LHFPL6: variants seen among roughly 807,000 people sequenced by gnomAD.
LHFPL6 encodes the protein LHFPL tetraspan subfamily member 6.
Under a neutral mutation model 20.6 loss-of-function variants are expected in LHFPL6, and 9 were observed. The observed-to-expected ratio is 0.44, with a 90% CI of 0.26 to 0.76. LHFPL6 has a LOEUF of 0.76. LHFPL6 is among the 30% of genes least tolerant of loss of function. The probability of loss-of-function intolerance (pLI) is 0.20; values close to 1 mark genes in which losing one functional copy is unlikely to be tolerated. For missense variants in LHFPL6, 218 were observed against 253.5 expected, an observed-to-expected ratio of 0.86 and a Z score of 0.95; for synonymous variants, 105 against 98.7, an observed-to-expected ratio of 1.06 and a Z score of -0.38.
chr13:39,551,953 G>A (rs60658342), intron 2 of LHFPL6, among the ~76,000 whole-genome samples: 2,659 of 152,132 alleles, frequency 0.017, 75 homozygotes, highest in African/African-American at 0.061. Flanking sequence ...TAAAAGTTTC[G>A]ACTGAATAAT....
At chr13:39,358,980 G>A (rs1869803340) in intron 3 of LHFPL6, among the ~76,000 whole-genome samples, 1 of 152,122 alleles carries the variant, frequency 6.6e-6, no homozygotes, top group Admixed American at 6.5e-5. Context: ...AGAACAGCCT[G>A]GCCAACATGG....
chr13:39,492,595 T>C (rs1436708486), intron 2 of LHFPL6, among the ~76,000 whole-genome samples: 2 of 152,198 alleles, frequency 1.3e-5, no homozygotes, highest in Non-Finnish European at 1.5e-5. Flanking sequence ...GTGTGTATAA[T>C]ATACATATTT....
At chr13:39,530,747 C>A (rs1410967035) in intron 2 of LHFPL6, among the ~76,000 whole-genome samples, 1 of 151,476 alleles carries the variant, frequency 6.6e-6, no homozygotes, top group Non-Finnish European at 1.5e-5. Context: ...TTGCTTATTT[C>A]ACCTGTGATA....
At chr13:39,499,053 T>C (rs1045414982) in intron 2 of LHFPL6, among the ~76,000 whole-genome samples, 8 of 152,030 alleles carry the variant, frequency 5.3e-5, no homozygotes, top group African/African-American at 1.7e-4. Flanking sequence ...TGTGGAGACG[T>C]GGTTTTGCCA....
intron 2 of LHFPL6, among the ~76,000 whole-genome samples, chr13:39,469,779 T>G (rs1010351923): frequency 2.6e-5 from 4 of 152,288 alleles, no homozygotes; most frequent in Middle Eastern, 6.8e-3. Flanking sequence ...CTCAAAGCAT[T>G]TGCTGAACAT....
chr13:39,400,000 G>A lies in LHFPL6; in HGVS notation c.386-21474C>T, dbSNP rs112197338. On this transcript the variant is annotated intron_variant, in intron 2 of 3. Transcript: ENST00000379589. ...CCCAGCTACTCAGGAGGCTGACACA[G>A]GAGAATTGCTCGAACCCAGGAGGTG... Among the ~76,000 whole-genome samples the A allele has an allele frequency of 1.0e-2, 1,518 of 152,266 alleles. 34 individuals carry two copies. Among genetic ancestry groups the A allele is most frequent in the African/African-American group, 0.035 (1,451 of 41,548 alleles).
intron 2 of LHFPL6, among the ~76,000 whole-genome samples, chr13:39,548,187 G>C (rs1038019414): frequency 1.6e-5 from 1 of 61,236 alleles, no homozygotes; most frequent in African/African-American, 1.1e-4. Flanking sequence ...TATTTCCCAG[G>C]TAATACCTGG....
At chr13:39,472,903 G>A (rs553537923) in intron 2 of LHFPL6, among the ~76,000 whole-genome samples, 39 of 152,302 alleles carry the variant, frequency 2.6e-4, no homozygotes, top group Admixed American at 4.6e-4. Context: ...GAGCCACCGT[G>A]CCCGGCCCCC....
At position 39,567,527 on chromosome 13, in the gene LHFPL6, T is replaced by C. The variant is rs144148541; in HGVS notation, c.385+33305A>G. On this transcript the variant is annotated intron_variant, in intron 2 of 3. Coordinates refer to ENST00000379589, the MANE Select transcript of LHFPL6 (RefSeq NM_005780.3). ...CATAGAGGTCCAAATGGTCAACTTT[T>C]ACGCTTTGTGGGCCACATAAGGTTT... Among the ~76,000 whole-genome samples the C allele has an allele frequency of 2.9e-3, 444 of 152,374 alleles. 2 individuals are homozygous for C. The highest frequency in any genetic ancestry group is 6.8e-3 in the Middle Eastern group (2 of 294).
intron 2 of LHFPL6, among the ~76,000 whole-genome samples, chr13:39,456,451 C>T (rs1872572008): frequency 6.6e-6 from 1 of 152,104 alleles, no homozygotes; most frequent in African/African-American, 2.4e-5. Flanking sequence ...GGAAATTAAA[C>T]CAAAAACAAT....
Position 39,521,878 on chromosome 13 carries a change from T to C in LHFPL6, c.385+78954A>G, listed in dbSNP as rs143170600. On this transcript the variant is annotated intron_variant, in intron 2 of 3. Coordinates refer to ENST00000379589, the MANE Select transcript of LHFPL6 (RefSeq NM_005780.3). ...CAGAAGGGAGCAAAAAGAGAGCTTGTGACCAGCCAAAAAGGAAAACCAATT... is the reference window on the plus strand; with the variant it reads ...CAGAAGGGAGCAAAAAGAGAGCTTGCGACCAGCCAAAAAGGAAAACCAATT... Among the ~76,000 whole-genome samples the C allele has an allele frequency of 2.8e-4, 42 of 152,296 alleles. No homozygotes were observed. The East Asian group carries it at 6.6e-3, about 24-fold the overall frequency.
chr13:39,556,224 C>T (rs954527008), intron 2 of LHFPL6, among the ~76,000 whole-genome samples: 5 of 152,110 alleles, frequency 3.3e-5, no homozygotes, highest in African/African-American at 1.2e-4. Flanking sequence ...AGAAAATTGG[C>T]ACTAAGGAGT....
intron 2 of LHFPL6, among the ~76,000 whole-genome samples, chr13:39,553,818 T>A (rs1038520872): frequency 6.6e-6 from 1 of 152,286 alleles, no homozygotes; most frequent in South Asian, 2.1e-4. Context: ...AAACAGATAG[T>A]GGAACATCAT....
At position 39,343,742 on chromosome 13, in the gene LHFPL6, T is replaced by TC. The variant is rs1230930919; in HGVS notation, c.*193dup. Reference sequence around the variant, plus strand: ...CATTTTTCTCCATCATTCTATACTCTCCTTTTTTTTCCCCCACAAATCTCC... The same window carrying TC: ...CATTTTTCTCCATCATTCTATACTCTCCCTTTTTTTTCCCCCACAAATCTCC... On this transcript the variant is annotated 3_prime_UTR_variant, in exon 4 of 4. Coordinates refer to ENST00000379589, the MANE Select transcript of LHFPL6 (RefSeq NM_005780.3). The TC allele has an allele frequency of 1.8e-6, 1 of 553,670 alleles. No individual in the cohort carries two copies. The highest frequency in any genetic ancestry group is 3.2e-6 in the Non-Finnish European group (1 of 311,174). 34.3% of individuals were successfully genotyped at this position (553,670 alleles called of 1,614,324 possible).
At chr13:39,459,981 G>C (rs1423690785) in intron 2 of LHFPL6, among the ~76,000 whole-genome samples, 1 of 152,040 alleles carries the variant, frequency 6.6e-6, no homozygotes, top group Non-Finnish European at 1.5e-5. Context: ...AAAGAATGTG[G>C]AGTAAGAGGA....
chr13:39,454,285 A>G (rs1872517233), intron 2 of LHFPL6, among the ~76,000 whole-genome samples: 1 of 152,204 alleles, frequency 6.6e-6, no homozygotes, highest in South Asian at 2.1e-4. Flanking sequence ...ACACCATTTA[A>G]TCTTCTGAGT....
intron 2 of LHFPL6, among the ~76,000 whole-genome samples, chr13:39,399,894 G>A (rs1870943197): frequency 6.6e-6 from 1 of 152,076 alleles, no homozygotes. Flanking sequence ...GGGAGTTCGA[G>A]GCCAGCCTGA....
At chr13:39,454,898 T>C (rs7330999) in intron 2 of LHFPL6, among the ~76,000 whole-genome samples, 84,087 of 152,094 alleles carry the variant, frequency 0.55, 24,459 homozygotes, top group East Asian at 0.9. Flanking sequence ...ACATTTTAAA[T>C]GCATCTGGAA....
Position 39,352,972 on chromosome 13 carries a change from C to CATATAT in LHFPL6, c.485-8924_485-8919dup, listed in dbSNP as rs374747296. Among the ~76,000 whole-genome samples the CATATAT allele has an allele frequency of 4.4e-3, 305 of 69,110 alleles. 9 individuals carry two copies. Among genetic ancestry groups the CATATAT allele is most frequent in the Middle Eastern group, 9.4e-3 (1 of 106 alleles). 45.3% of individuals were successfully genotyped at this position (69,110 alleles called of 152,430 possible). A position where few individuals can be genotyped will look rare whatever the true frequency, so the allele number is the denominator to read the frequency against. On this transcript the variant is annotated intron_variant, in intron 3 of 3. Transcript: ENST00000379589. ...ATATATACATACATACACACACACACATATATATATATATATAATTTTTTT... is the reference window on the plus strand; with the variant it reads ...ATATATACATACATACACACACACACATATATATATATATATATATATAATTTTTTT...
Sources: allele counts gnomAD v4.1 joint callset (sites outside exome capture counted in the v4.1 genomes callset), GRCh38; gene constraint gnomAD v4.1.1; transcripts MANE v1.5; gene names NCBI Gene and HGNC (gene_info 2026-07-23, HGNC 2026-07-21).